The following DNAH11 variants were observed in gnomAD, a reference collection of about 807,000 sequenced individuals.
DNAH11 encodes axonemal beta dynein heavy chain 11.
In DNAH11, 442 loss-of-function variants were observed where a neutral mutation model predicts 526.0. That is an observed-to-expected ratio of 0.84 (90% CI 0.78 to 0.91). DNAH11 has a LOEUF of 0.91. DNAH11 is among the 40% of genes least tolerant of loss of function. The pLI, the probability that DNAH11 is intolerant of heterozygous loss-of-function variation, is 0.00. For synonymous variants in DNAH11, 2,461 were observed against 1,935.9 expected, an observed-to-expected ratio of 1.27 and a Z score of -7.12; for missense variants, 6,989 against 5,448.7, an observed-to-expected ratio of 1.28 and a Z score of -8.90.
rs970533479 is a variant in DNAH11 at position 21,797,465 on chromosome 7, C to T, written c.10027-3672C>T. ...AACTCGTGACCTCAGGTGATCCGCT[C>T]GCCTCGGCCTCCCAAAATGCTGGGA... On this transcript the variant is annotated intron_variant, in intron 61 of 81. Transcript: ENST00000409508. 4.0e-5 allele frequency among the ~76,000 whole-genome samples: 6 copies of T among 150,872 alleles called. 1 individual carries two copies. Among genetic ancestry groups the T allele is most frequent in the African/African-American group, 9.9e-5 (4 of 40,210 alleles).
intron 8 of DNAH11, among the ~76,000 whole-genome samples, chr7:21,576,703 C>G (rs1340682879): frequency 6.6e-6 from 1 of 152,128 alleles, no homozygotes; most frequent in African/African-American, 2.4e-5. Context: ...AAGACCTGGT[C>G]TTTGTGCTGT....
At chr7:21,590,433 G>T (rs999195951) in intron 12 of DNAH11, among the ~76,000 whole-genome samples, 2 of 152,080 alleles carry the variant, frequency 1.3e-5, no homozygotes, top group Non-Finnish European at 2.9e-5. Flanking sequence ...AATTTTTAGG[G>T]GATGAAGATT....
intron 54 of DNAH11, among the ~76,000 whole-genome samples, chr7:21,754,733 T>C (rs1366120671): frequency 6.6e-6 from 1 of 152,194 alleles, no homozygotes; most frequent in East Asian, 1.9e-4. Flanking sequence ...TGATCCCCTT[T>C]GGCCTTGTCA....
At chr7:21,829,196 T>A (rs1320229630) in intron 65 of DNAH11, among the ~76,000 whole-genome samples, 1 of 152,210 alleles carries the variant, frequency 6.6e-6, no homozygotes, top group Non-Finnish European at 1.5e-5. Flanking sequence ...AGATGTCCAT[T>A]GAAAAGTTTA....
intron 61 of DNAH11, among the ~76,000 whole-genome samples, chr7:21,793,481 T>C (rs1030940816): frequency 2.6e-5 from 4 of 152,172 alleles, no homozygotes; most frequent in Admixed American, 2.6e-4. Flanking sequence ...CTGGGCGTGG[T>C]GGCACGCCCT....
chr7:21,586,910 G>A lies in DNAH11; in HGVS notation c.1711-1154G>A, dbSNP rs565415008. On this transcript the variant is annotated intron_variant, in intron 9 of 81. Transcript: ENST00000409508. ...AAGCTACACACTGAAGCACAAACCC[G>A]AATGCTAGACTGCCTGGTTTCAAAT... Among the ~76,000 whole-genome samples, 14 of 152,258 alleles carry A rather than the reference G, an allele frequency of 9.2e-5. No individual in the cohort carries two copies. The South Asian group carries it at 2.5e-3, about 27-fold the overall frequency.
intron 73 of DNAH11, among the ~76,000 whole-genome samples, chr7:21,871,070 T>G (rs1783475730): frequency 6.6e-6 from 1 of 152,254 alleles, no homozygotes; most frequent in Non-Finnish European, 1.5e-5. Context: ...ATGTACATGT[T>G]AATTAGTTCT....
At chr7:21,702,592 A>T in intron 36 of DNAH11, 118 bp from the exon 37 acceptor site, 1 of 745,814 alleles carries the variant, frequency 1.3e-6, no homozygotes, top group South Asian at 1.7e-5. Context: ...AGTATTTTGA[A>T]TCATTAAAGT....
Position 21,600,934 on chromosome 7 carries a change from A to C in DNAH11, c.3255+4A>C. 3.1e-6 allele frequency: 5 copies of C among 1,613,278 alleles called. No individual in the cohort carries two copies. Among genetic ancestry groups the C allele is most frequent in the Non-Finnish European group, 3.4e-6 (4 of 1,179,596 alleles). On this transcript the variant is annotated splice_donor_region_variant and intron_variant, in intron 16 of 81. Transcript: ENST00000409508. ...TCTTGAGCAATTCAAAGAACAGGCAAGGAAAACCCTTAGCATTTAATGTAG... is the reference window on the plus strand; with the variant it reads ...TCTTGAGCAATTCAAAGAACAGGCACGGAAAACCCTTAGCATTTAATGTAG...
chr7:21,781,582 T>A (rs1261029742), intron 57 of DNAH11, among the ~76,000 whole-genome samples: 1 of 152,192 alleles, frequency 6.6e-6, no homozygotes, highest in African/African-American at 2.4e-5. Context: ...AGCGCTAATA[T>A]CATCTCTTCA....
rs1178427423 is a variant in DNAH11 at position 21,702,806 on chromosome 7, C to T, written c.6273+4C>T. ...TAAAAATAGACCCGAAGATCAGGTA[C>T]TGCAATGCTAATATGATTTTGTTGA... On this transcript the variant is annotated splice_donor_region_variant and intron_variant, in intron 37 of 81. Coordinates refer to ENST00000409508, the MANE Select transcript of DNAH11 (RefSeq NM_001277115.2). 2.5e-6 allele frequency: 4 copies of T among 1,610,436 alleles called. No individual in the cohort carries two copies. The highest frequency in any genetic ancestry group is 1.6e-4 in the Middle Eastern group (1 of 6,078).
intron 66 of DNAH11, among the ~76,000 whole-genome samples, chr7:21,850,320 C>T (rs541956365): frequency 2.0e-4 from 29 of 143,744 alleles, no homozygotes; most frequent in African/African-American, 6.6e-4. Flanking sequence ...GGCGCCACAG[C>T]GCTCCAGCCT....
In DNAH11 at chr7:21,813,919, G is replaced by A. The variant is rs146798355; in HGVS notation, c.10333-2548G>A. On this transcript the variant is annotated intron_variant, in intron 63 of 81. Transcript: ENST00000409508. ...ACAAGTTAATTGTAATAAAAAGAAG[G>A]TATACTCTAATATGTCACTTAATGA... Among the ~76,000 whole-genome samples the A allele has an allele frequency of 4.7e-3, 715 of 152,234 alleles. 6 individuals carry two copies. Among genetic ancestry groups the A allele is most frequent in the African/African-American group, 0.017 (693 of 41,548 alleles).
At chr7:21,816,077 A>G (rs1466478553) in intron 63 of DNAH11, among the ~76,000 whole-genome samples, 3 of 152,088 alleles carry the variant, frequency 2.0e-5, no homozygotes, top group African/African-American at 4.8e-5. Flanking sequence ...CCTGAGCAAG[A>G]TACTGAATTT....
At position 21,676,622 on chromosome 7, in the gene DNAH11, A is replaced by C. The variant is rs944761957; in HGVS notation, c.5329-4924A>C. Among the ~76,000 whole-genome samples the C allele has an allele frequency of 2.0e-5, 3 of 152,186 alleles. 1 individual carries two copies. Among genetic ancestry groups the C allele is most frequent in the African/African-American group, 7.2e-5 (3 of 41,444 alleles). ...TGTGTTTTTAATCATCTTCCATTTG[A>C]CTGCACTTCTGTGAAAAATGAATCA... On this transcript the variant is annotated intron_variant, in intron 30 of 81. Transcript: ENST00000409508.
At chr7:21,683,352 C>T (rs1783220622) in intron 31 of DNAH11, among the ~76,000 whole-genome samples, 1 of 152,158 alleles carries the variant, frequency 6.6e-6, no homozygotes, top group African/African-American at 2.4e-5. Flanking sequence ...AATCTCTGTA[C>T]TAAAAGCAGA....
intron 35 of DNAH11, among the ~76,000 whole-genome samples, chr7:21,696,086 G>A (rs1057422460): frequency 6.6e-6 from 1 of 151,964 alleles, no homozygotes; most frequent in Non-Finnish European, 1.5e-5. Context: ...TTTTATTTTG[G>A]GGTTTTATTT....
chr7:21,802,750 C>G (rs1400877980), intron 62 of DNAH11, among the ~76,000 whole-genome samples: 5 of 151,850 alleles, frequency 3.3e-5, no homozygotes, highest in Non-Finnish European at 7.4e-5. Flanking sequence ...ATGTGATACA[C>G]AGGCAGAATG....
intron 28 of DNAH11, among the ~76,000 whole-genome samples, chr7:21,654,600 C>G (rs1781931632): frequency 6.6e-6 from 1 of 152,106 alleles, no homozygotes; most frequent in South Asian, 2.1e-4. Context: ...AGGTATATAC[C>G]TAGGAGAGGA....
Sources: gnomAD v4.1 joint callset for allele counts (sites outside exome capture counted in the v4.1 genomes callset) on GRCh38, gnomAD v4.1.1 for gene constraint, MANE v1.5 for transcripts, NCBI Gene and HGNC (gene_info 2026-07-23, HGNC 2026-07-21) for gene names.